LAPTM4A: variants seen among roughly 807,000 people sequenced by gnomAD.
LAPTM4A encodes lysosomal-associated transmembrane protein 4A.
Under a neutral mutation model 29.9 loss-of-function variants are expected in LAPTM4A, and 19 were observed. The observed-to-expected ratio is 0.64, with a 90% CI of 0.44 to 0.93. The LOEUF (loss-of-function observed/expected upper bound fraction) is 0.93, where lower values mean the gene tolerates loss of function less well. Ranked by LOEUF, LAPTM4A falls within the 40% of genes least tolerant of loss-of-function variation. LAPTM4A has a pLI of 0.00. For missense variants in LAPTM4A, 293 were observed against 288.5 expected (o/e 1.02, Z -0.11); for synonymous variants, 105 against 102.1 (o/e 1.03, Z -0.17).
chr2:20,035,535 T>C (rs1254833135), intron 4 of LAPTM4A, among the ~76,000 whole-genome samples: 6 of 152,188 alleles, frequency 3.9e-5, no homozygotes, highest in African/African-American at 1.4e-4. Flanking sequence ...GGGGCAAAAA[T>C]ACACCCACTG....
chr2:20,043,913 C>T (rs1673859224), intron 1 of LAPTM4A, among the ~76,000 whole-genome samples: 1 of 152,152 alleles, frequency 6.6e-6, no homozygotes, highest in Admixed American at 6.5e-5. Context: ...TTTAAGACAT[C>T]CTCCTTCTCA....
intron 2 of LAPTM4A, 50 bp downstream of exon 2, chr2:20,040,841 A>G: frequency 6.5e-7 from 1 of 1,536,428 alleles, no homozygotes; most frequent in Non-Finnish European, 9.0e-7. Flanking sequence ...ACAGGACTGT[A>G]TATAAAAATT....
At chr2:20,037,752 A>T (rs1673711333) in intron 2 of LAPTM4A, 138 bp from the exon 3 acceptor site, 11 of 40,414 alleles carry the variant, frequency 2.7e-4, no homozygotes, top group East Asian at 9.3e-4. Context: ...CCAAGAGGGT[A>T]AAAAAAAAAA....
At position 20,051,618 on chromosome 2, in the gene LAPTM4A, G is replaced by T. The variant is rs1674077558; in HGVS notation, c.-98C>A. On this transcript the variant is annotated 5_prime_UTR_variant, in exon 1 of 7. Transcript: ENST00000175091. ...TGTTTCACGGCCTCCAAAACCCAAC[G>T]ACGCGTCTTCAAACCCGCCCCCGGC... The T allele has an allele frequency of 7.8e-6, 6 of 770,408 alleles. No homozygotes were observed. Among genetic ancestry groups the T allele is most frequent in the South Asian group, 1.7e-5 (1 of 57,710 alleles). 47.7% of individuals were successfully genotyped at this position (770,408 alleles called of 1,614,324 possible).
intron 2 of LAPTM4A, among the ~76,000 whole-genome samples, chr2:20,039,185 G>A (rs1203848119): frequency 1.3e-5 from 2 of 152,176 alleles, no homozygotes; most frequent in African/African-American, 2.4e-5. Context: ...CCAAAGTGAT[G>A]GGATTACAGG....
At chr2:20,048,813 C>G (rs1572401399) in intron 1 of LAPTM4A, among the ~76,000 whole-genome samples, 1 of 152,342 alleles carries the variant, frequency 6.6e-6, no homozygotes, top group East Asian at 1.9e-4. Flanking sequence ...CTTAGTAAAG[C>G]AGCTTCTGAG....
Position 20,051,470 on chromosome 2 carries a change from G to T in LAPTM4A, c.51C>A (p.Thr17=). The part of the protein sequence containing the change: ...KRNRSDRFYS[T]RCCGCCHVRT... Reference sequence around the variant, plus strand: ...GGACATGGCAACAGCCGCAGCACCGGGTGCTGTAGAACCGGTCACTGCGGT... The same window carrying T: ...GGACATGGCAACAGCCGCAGCACCGTGTGCTGTAGAACCGGTCACTGCGGT... Residue 17 remains threonine (T), a synonymous_variant, in exon 1 of 7, where the codon ACC becomes ACA. Transcript: ENST00000175091. 6.2e-7 allele frequency: 1 copy of T among 1,613,516 alleles called. No homozygotes were observed. The highest frequency in any genetic ancestry group is 1.3e-5 in the African/African-American group (1 of 75,026).
In LAPTM4A at chr2:20,037,560, A is replaced by G; in HGVS notation, c.287T>C (p.Met96Thr). The G allele has an allele frequency of 6.2e-7, 1 of 1,610,878 alleles. No homozygotes were observed. Among genetic ancestry groups the G allele is most frequent in the Non-Finnish European group, 8.5e-7 (1 of 1,178,858 alleles). The change falls in exon 3 of 7, where the codon ATG becomes ACG. Residue 96 changes from methionine (M) to threonine (T), a missense_variant. Transcript: ENST00000175091. ...TACAGAAATTGCTCCATAAACCAGC[A>G]TTGAACTGATTATAAACATAAGAAC... is the stretch of plus-strand genomic sequence containing the variant. The part of the protein sequence containing the change: ...VSVLMFIISS[M>T]LVYGAISYQV...
chr2:20,034,403 TA>T lies in LAPTM4A; in HGVS notation c.540del (p.Asn181ThrfsTer39). ...ALFIIFKAYL[I>X]NCVWNCYKYI... ...TATTTATAGCAGTTCCAAACACAGT[TA>T]ATTAGATAAGCCTGGAAGAATAAAA... On this transcript the variant is annotated frameshift_variant, in exon 6 of 7. Coordinates refer to ENST00000175091, the MANE Select transcript of LAPTM4A (RefSeq NM_014713.5). LOFTEE classifies it high-confidence loss of function. 1 of 1,611,122 alleles carries T rather than the reference TA, an allele frequency of 6.2e-7. No individual in the cohort carries two copies. The highest frequency in any genetic ancestry group is 1.3e-5 in the African/African-American group (1 of 74,970).
rs917823207 is a variant in LAPTM4A at position 20,033,056 on chromosome 2, A to T, written c.*149T>A. ...ACAAAAAGACGTTTAACAGATGTCA[A>T]AAAGCTCCTTAGTGTTTGAAAATAA... On this transcript the variant is annotated 3_prime_UTR_variant, in exon 7 of 7. Coordinates refer to ENST00000175091, the MANE Select transcript of LAPTM4A (RefSeq NM_014713.5). The T allele has an allele frequency of 1.5e-6, 1 of 665,788 alleles. No homozygotes were observed. The highest frequency in any genetic ancestry group is 1.8e-5 in the African/African-American group (1 of 54,730). 41.2% of individuals were successfully genotyped at this position (665,788 alleles called of 1,614,324 possible).
At chr2:20,049,572 C>T (rs1572401672) in intron 1 of LAPTM4A, among the ~76,000 whole-genome samples, 2 of 152,170 alleles carry the variant, frequency 1.3e-5, no homozygotes, top group South Asian at 4.1e-4. Flanking sequence ...TCCTGCTATT[C>T]TATTCATTTT....
At chr2:20,040,793 G>A in intron 2 of LAPTM4A, 98 bp downstream of exon 2, 1 of 1,137,034 alleles carries the variant, frequency 8.8e-7, no homozygotes. Flanking sequence ...ATATCACCCA[G>A]TGACATTTCT....
intron 1 of LAPTM4A, among the ~76,000 whole-genome samples, chr2:20,049,327 A>G (rs901340477): frequency 6.6e-6 from 1 of 152,230 alleles, no homozygotes; most frequent in Non-Finnish European, 1.5e-5. Context: ...GAAGTTTACA[A>G]TAAAATGTTT....
intron 1 of LAPTM4A, among the ~76,000 whole-genome samples, chr2:20,048,368 C>A (rs955378978): frequency 6.6e-6 from 1 of 152,204 alleles, no homozygotes; most frequent in African/African-American, 2.4e-5. Context: ...TGTTACTTAA[C>A]CAGGTATGCT....
chr2:20,033,394 A>T (rs764403635), intron 6 of LAPTM4A, 115 bp from the exon 7 acceptor site: 4 of 779,044 alleles, frequency 5.1e-6, no homozygotes, highest in Non-Finnish European at 8.8e-6. Flanking sequence ...CATAAAGAAG[A>T]GCTGAAGAAA....
intron 4 of LAPTM4A, 44 bp from the exon 5 acceptor site, chr2:20,035,106 T>A: frequency 1.5e-6 from 2 of 1,301,994 alleles, no homozygotes; most frequent in Non-Finnish European, 2.2e-6. Flanking sequence ...GCCATCGCAC[T>A]AGCACTTGCT....
In LAPTM4A at chr2:20,051,474, C is replaced by A; in HGVS notation, c.47G>T (p.Ser16Ile). 1.2e-6 allele frequency: 2 copies of A among 1,613,356 alleles called. No homozygotes were observed. The highest frequency in any genetic ancestry group is 1.7e-6 in the Non-Finnish European group (2 of 1,179,682). ...ATGGCAACAGCCGCAGCACCGGGTG[C>A]TGTAGAACCGGTCACTGCGGTTCCG... ...FKRNRSDRFY[S>I]TRCCGCCHVR... is the part of the protein sequence containing the mutation. Residue 16 changes from serine to isoleucine, a missense_variant, in exon 1 of 7, where the codon AGC becomes ATC. Transcript: ENST00000175091.
At chr2:20,042,203 G>A (rs1295421392) in intron 1 of LAPTM4A, among the ~76,000 whole-genome samples, 1 of 152,126 alleles carries the variant, frequency 6.6e-6, no homozygotes, top group East Asian at 1.9e-4. Flanking sequence ...GGCCTCAAGT[G>A]ATCCTCCTGC....
At position 20,051,552 on chromosome 2, in the gene LAPTM4A, C is replaced by A. The variant is rs369703153; in HGVS notation, c.-32G>T. 1 of 1,400,496 alleles carries A rather than the reference C, an allele frequency of 7.1e-7. No homozygotes were observed. The highest frequency in any genetic ancestry group is 2.0e-5 in the Admixed American group (1 of 50,892). The allele number at this position is 1,400,496 out of a possible 1,614,324, so 86.8% of individuals were successfully genotyped here. On this transcript the variant is annotated 5_prime_UTR_variant, in exon 1 of 7. Transcript: ENST00000175091. The stretch of plus-strand genomic sequence containing the variant: ...AGGCGGGCCTCCTTCTTGGCCGGGC[C>A]CCTGACAAACGTTCTCCACCCGCAG...
Sources: gnomAD v4.1 joint callset for allele counts (sites outside exome capture counted in the v4.1 genomes callset) on GRCh38, gnomAD v4.1.1 for gene constraint, MANE v1.5 for transcripts, NCBI Gene and HGNC (gene_info 2026-07-23, HGNC 2026-07-21) for gene names.